Variants in FUT8 observed in about 807,000 individuals in gnomAD.
The protein encoded by FUT8 is fucosyltransferase 8.
A neutral mutation model predicts 71.3 loss-of-function variants in FUT8; 29 were observed. The observed-to-expected ratio is 0.41, with a 90% CI of 0.30 to 0.55. The LOEUF is 0.55. Among genes scored for constraint, FUT8 ranks in the 20% least tolerant of loss-of-function variants. The pLI, the probability that FUT8 is intolerant of heterozygous loss-of-function variation, is 0.34. For synonymous variants in FUT8, 254 were observed against 239.3 expected, an observed-to-expected ratio of 1.06 and a Z score of -0.57; for missense variants, 544 against 702.1, an observed-to-expected ratio of 0.77 and a Z score of 2.55.
At chr14:65,515,872 A>G (rs1017957876) in intron 2 of FUT8, among the ~76,000 whole-genome samples, 1 of 152,220 alleles carries the variant, frequency 6.6e-6, no homozygotes. Flanking sequence ...GCAGCAAAAT[A>G]TCATTGCCTT....
intron 2 of FUT8, among the ~76,000 whole-genome samples, chr14:65,481,383 CA>C (rs750074133): frequency 1.3e-5 from 2 of 151,966 alleles, no homozygotes; most frequent in Non-Finnish European, 2.9e-5. Flanking sequence ...AATTCCGTAA[CA>C]TATACTTTTT....
the FUT8 span, among the ~76,000 whole-genome samples, chr14:65,388,692 G>A: frequency 6.6e-6 from 1 of 152,132 alleles, no homozygotes; most frequent in Non-Finnish European, 1.5e-5. Flanking sequence ...AACCCAGGAG[G>A]CGGAGGTTGC....
intron 2 of FUT8, among the ~76,000 whole-genome samples, chr14:65,510,754 T>C (rs1882287435): frequency 6.6e-6 from 1 of 152,162 alleles, no homozygotes. Context: ...TTCGGATTTC[T>C]GTGATATCGG....
chr14:65,445,463 G>A (rs1470165169), intron 1 of FUT8, among the ~76,000 whole-genome samples: 2 of 152,270 alleles, frequency 1.3e-5, no homozygotes, highest in South Asian at 2.1e-4. Context: ...GTTATGGTGG[G>A]GGAGGGTGTG....
intron 8 of FUT8, among the ~76,000 whole-genome samples, chr14:65,722,816 A>G (rs926786611): frequency 1.3e-5 from 2 of 152,224 alleles, no homozygotes; most frequent in African/African-American, 4.8e-5. Flanking sequence ...ATGGCAGAGT[A>G]ACTCTGGTGA....
At chr14:65,691,852 C>T (rs1187892976) in intron 7 of FUT8, among the ~76,000 whole-genome samples, 3 of 152,250 alleles carry the variant, frequency 2.0e-5, no homozygotes, top group East Asian at 3.9e-4. Context: ...GCACATCTTG[C>T]ACCGCCCTTA....
At position 65,602,603 on chromosome 14, in the gene FUT8, T is replaced by C. The variant is rs928301093; in HGVS notation, c.204-13375T>C. On this transcript the variant is annotated intron_variant, in intron 3 of 10. Coordinates refer to ENST00000673929, the MANE Select transcript of FUT8 (RefSeq NM_001371533.1). ...TCTTTAAGGAATCTCCACACTGTTT[T>C]CCATAGTGGCTGTACTAGTTTACAT... 3.3e-5 allele frequency among the ~76,000 whole-genome samples: 5 copies of C among 151,766 alleles called. No homozygotes were observed. The East Asian group carries it at 7.7e-4, about 23-fold the overall frequency.
intron 3 of FUT8, among the ~76,000 whole-genome samples, chr14:65,580,038 G>A (rs1886992259): frequency 6.7e-6 from 1 of 148,172 alleles, no homozygotes; most frequent in South Asian, 2.1e-4. Context: ...TATGGGAAGT[G>A]CATCTCTTCA....
the FUT8 span, among the ~76,000 whole-genome samples, chr14:65,380,735 A>T: frequency 1.3e-5 from 2 of 152,046 alleles, 1 homozygote; most frequent in Admixed American, 1.3e-4. Flanking sequence ...CCCAATCTCA[A>T]CTTGGTTCAC....
chr14:65,546,425 G>T (rs1884988983), intron 2 of FUT8, among the ~76,000 whole-genome samples: 1 of 151,726 alleles, frequency 6.6e-6, no homozygotes, highest in Non-Finnish European at 1.5e-5. Flanking sequence ...CATACAGTGT[G>T]TATTTTTTTT....
intron 6 of FUT8, among the ~76,000 whole-genome samples, chr14:65,644,381 C>T (rs1034390088): frequency 6.6e-6 from 1 of 152,072 alleles, no homozygotes; most frequent in Non-Finnish European, 1.5e-5. Flanking sequence ...AGCTCCACCT[C>T]CCAGGTTCAT....
At chr14:65,382,018 A>G in the FUT8 span, among the ~76,000 whole-genome samples, 2 of 152,218 alleles carry the variant, frequency 1.3e-5, no homozygotes, top group Non-Finnish European at 2.9e-5. Flanking sequence ...CTGTGTTCCC[A>G]GAGATCTGTA....
chr14:65,423,355 A>G (rs1174897679), intron 1 of FUT8, among the ~76,000 whole-genome samples: 2 of 144,544 alleles, frequency 1.4e-5, no homozygotes, highest in African/African-American at 2.6e-5. Context: ...TCCGCCTCCC[A>G]GGTTCACGCC....
At chr14:65,500,736 C>T (rs1024381319) in intron 2 of FUT8, among the ~76,000 whole-genome samples, 1 of 152,144 alleles carries the variant, frequency 6.6e-6, no homozygotes, top group African/African-American at 2.4e-5. Flanking sequence ...ATAACCCAAA[C>T]TAGATACAAA....
chr14:65,416,931 A>C (rs570729718), intron 1 of FUT8, among the ~76,000 whole-genome samples: 1 of 151,826 alleles, frequency 6.6e-6, no homozygotes, highest in South Asian at 2.1e-4. Flanking sequence ...TTATGGGTGC[A>C]TGCCACCATG....
chr14:65,565,420 T>G (rs1342714768), intron 3 of FUT8, among the ~76,000 whole-genome samples: 3 of 151,810 alleles, frequency 2.0e-5, no homozygotes, highest in Non-Finnish European at 4.4e-5. Context: ...TTGAAGAATG[T>G]GAGGTTATTT....
intron 2 of FUT8, among the ~76,000 whole-genome samples, chr14:65,557,840 A>G (rs1383367178): frequency 2.0e-5 from 3 of 152,154 alleles, no homozygotes; most frequent in African/African-American, 4.8e-5. Flanking sequence ...TTAGTCAGAA[A>G]TTAGCTGATA....
chr14:65,669,125 T>G lies in FUT8; in HGVS notation c.598-118T>G, dbSNP rs1892354112. The G allele has an allele frequency of 8.4e-6, 6 of 711,698 alleles. No individual in the cohort carries two copies. Among genetic ancestry groups the G allele is most frequent in the Admixed American group, 2.8e-5 (1 of 35,724 alleles). The allele number at this position is 711,698 out of a possible 1,614,324, so 44.1% of individuals were successfully genotyped here. On this transcript the variant is annotated intron_variant, in intron 6 of 10. Transcript: ENST00000673929. The surrounding 1 kb of genome is among the most constrained non-coding windows in gnomAD (Gnocchi z 4.5). ...TATACCAAACCCCACGACACACAAT[T>G]TATCTATAGAACAAACCTGCATGTG...
the FUT8 span, among the ~76,000 whole-genome samples, chr14:65,366,991 G>A: frequency 2.0e-5 from 3 of 152,170 alleles, no homozygotes; most frequent in Non-Finnish European, 4.4e-5. Context: ...AAATGAAAGA[G>A]AGAAAAGACT....
Sources: allele counts gnomAD v4.1 joint callset (sites outside exome capture counted in the v4.1 genomes callset), GRCh38; gene constraint gnomAD v4.1.1; non-coding constraint Gnocchi (gnomAD v3.1); transcripts MANE v1.5; gene names NCBI Gene and HGNC (gene_info 2026-07-23, HGNC 2026-07-21).